Variants in KANSL1L observed in about 807,000 individuals in gnomAD.
KANSL1L encodes the protein KAT8 regulatory NSL complex subunit 1-like protein.
KANSL1L carries 25 observed loss-of-function variants against 108.6 expected under a neutral mutation model. That is an observed-to-expected ratio of 0.23 (90% CI 0.17 to 0.32). The LOEUF (loss-of-function observed/expected upper bound fraction) is 0.32. KANSL1L is among the 10% of genes least tolerant of loss of function. The pLI is 1.00. For synonymous variants in KANSL1L, 405 were observed against 395.1 expected (o/e 1.03, Z -0.30); for missense variants, 1,137 against 1,125.7 (o/e 1.01, Z -0.14).
At chr2:210,031,384 A>AT in intron 9 of KANSL1L, 37 bp downstream of exon 9, 1 of 1,445,532 alleles carries the variant, frequency 6.9e-7, no homozygotes, top group South Asian at 1.2e-5. Flanking sequence ...AATTTTTAAT[A>AT]TTTATCACTA....
chr2:210,146,883 C>T (rs560318216), intron 2 of KANSL1L, among the ~76,000 whole-genome samples: 18 of 152,080 alleles, frequency 1.2e-4, no homozygotes, highest in African/African-American at 4.3e-4. Flanking sequence ...AACAAAACAG[C>T]TTTTTTTTCT....
chr2:210,070,447 G>T (rs2094499511), intron 6 of KANSL1L, among the ~76,000 whole-genome samples: 2 of 150,680 alleles, frequency 1.3e-5, no homozygotes, highest in African/African-American at 4.9e-5. Context: ...AGCCAGGATG[G>T]TCTAGATCTC....
intron 5 of KANSL1L, among the ~76,000 whole-genome samples, chr2:210,086,224 C>T (rs1458626392): frequency 1.3e-5 from 2 of 151,762 alleles, no homozygotes; most frequent in Non-Finnish European, 2.9e-5. Flanking sequence ...TATTCTGGGA[C>T]TCATTAAAGC....
chr2:210,032,885 G>C (rs2125145997), intron 8 of KANSL1L: 1 of 152,282 alleles, frequency 6.6e-6, no homozygotes, highest in East Asian at 1.9e-4. Flanking sequence ...ATGGAATACA[G>C]ATTAGCAACT....
At chr2:210,070,420 T>C (rs924298935) in intron 6 of KANSL1L, among the ~76,000 whole-genome samples, 1 of 151,200 alleles carries the variant, frequency 6.6e-6, no homozygotes, top group African/African-American at 2.4e-5. Context: ...TTAGTAGAGA[T>C]GGGGTTTCAC....
chr2:210,076,021 GTGTAA>G (rs1435141135), intron 5 of KANSL1L, among the ~76,000 whole-genome samples: 2 of 152,096 alleles, frequency 1.3e-5, no homozygotes, highest in African/African-American at 2.4e-5. Flanking sequence ...GAGTTTACTA[GTGTAA>G]TGTAATTGCT....
At chr2:210,076,718 C>T (rs1177914949) in intron 5 of KANSL1L, among the ~76,000 whole-genome samples, 2 of 151,384 alleles carry the variant, frequency 1.3e-5, no homozygotes, top group Non-Finnish European at 2.9e-5. Context: ...AAATATTTTA[C>T]AATATCAGAA....
intron 2 of KANSL1L, among the ~76,000 whole-genome samples, chr2:210,131,249 C>A (rs1261125338): frequency 6.6e-6 from 1 of 152,086 alleles, no homozygotes; most frequent in Non-Finnish European, 1.5e-5. Flanking sequence ...CTAAATATAG[C>A]CTATTCTGAC....
intron 5 of KANSL1L, among the ~76,000 whole-genome samples, chr2:210,080,664 A>G (rs2094582320): frequency 6.6e-6 from 1 of 152,194 alleles, no homozygotes; most frequent in Admixed American, 6.5e-5. Context: ...CATACCATAC[A>G]CTAGACACCT....
intron 2 of KANSL1L, among the ~76,000 whole-genome samples, chr2:210,142,253 T>C (rs761754234): frequency 1.1e-4 from 17 of 152,106 alleles, no homozygotes; most frequent in Non-Finnish European, 1.9e-4. Context: ...TCTAGGAATT[T>C]ATACATTTTT....
Position 210,041,605 on chromosome 2 carries a change from A to G in KANSL1L, c.1922-1078T>C, listed in dbSNP as rs572760165. ...TGCACAACTCCATGCCTGGCTAATTAGAAAATTCTTTTCTTTAGAGACAAA... is the reference window on the plus strand; with the variant it reads ...TGCACAACTCCATGCCTGGCTAATTGGAAAATTCTTTTCTTTAGAGACAAA... On this transcript the variant is annotated intron_variant, in intron 7 of 14. Coordinates refer to ENST00000281772, the MANE Select transcript of KANSL1L (RefSeq NM_152519.4). Among the ~76,000 whole-genome samples, 11 of 152,078 alleles carry G rather than the reference A, an allele frequency of 7.2e-5. No individual in the cohort carries two copies. The South Asian group carries it at 2.3e-3, about 32-fold the overall frequency.
At chr2:210,023,966 G>T in intron 14 of KANSL1L, 67 bp downstream of exon 14, 1 of 1,098,490 alleles carries the variant, frequency 9.1e-7, no homozygotes, top group Non-Finnish European at 1.3e-6. Context: ...TTTTTTTCAA[G>T]TAGTTTCTAC....
At chr2:210,169,701 A>G (rs971566232) in intron 1 of KANSL1L, among the ~76,000 whole-genome samples, 31 of 152,218 alleles carry the variant, frequency 2.0e-4, no homozygotes, top group Admixed American at 2.0e-3. Context: ...GATTAAAACC[A>G]TGAGGAAATG....
At chr2:210,148,426 C>T (rs1195546902) in intron 2 of KANSL1L, among the ~76,000 whole-genome samples, 2 of 152,182 alleles carry the variant, frequency 1.3e-5, no homozygotes, top group East Asian at 3.8e-4. Context: ...CCCACATCCC[C>T]TCACATTTAA....
chr2:210,166,315 G>C (rs1310054289), intron 1 of KANSL1L, among the ~76,000 whole-genome samples: 2 of 152,092 alleles, frequency 1.3e-5, no homozygotes, highest in African/African-American at 4.8e-5. Context: ...TAATTACCAA[G>C]TCAATAGTTA....
rs1418444802 is a variant in KANSL1L, at chr2:210,117,756, CA to C, written c.1230+11274del. ...CATTACAATGGATACAACAGAAATA[CA>C]AAGGATTATAAGAGACTATTATGAA... On this transcript the variant is annotated intron_variant, in intron 3 of 14. Transcript: ENST00000281772. Among the ~76,000 whole-genome samples the C allele has an allele frequency of 3.9e-5, 6 of 152,080 alleles. No homozygotes were observed. In the East Asian group the frequency reaches 1.2e-3, roughly 29 times the overall value.
At chr2:210,162,253 TA>T (rs1021146256) in intron 1 of KANSL1L, among the ~76,000 whole-genome samples, 3 of 145,018 alleles carry the variant, frequency 2.1e-5, no homozygotes, top group African/African-American at 5.0e-5. Context: ...TGTATATCAA[TA>T]AAAATTAAAA....
intron 2 of KANSL1L, among the ~76,000 whole-genome samples, chr2:210,131,579 T>C (rs1246986156): frequency 6.6e-6 from 1 of 152,122 alleles, no homozygotes; most frequent in African/African-American, 2.4e-5. Flanking sequence ...CAAGTTAGGA[T>C]TACAAAAATC....
chr2:210,028,787 A>T, intron 11 of KANSL1L, 58 bp downstream of exon 11: 1 of 1,280,072 alleles, frequency 7.8e-7, no homozygotes, highest in African/African-American at 1.5e-5. Context: ...TTCACTTTGA[A>T]AATTTAAGTT....
Sources: allele counts gnomAD v4.1 joint callset (sites outside exome capture counted in the v4.1 genomes callset), GRCh38; gene constraint gnomAD v4.1.1; transcripts MANE v1.5; gene names NCBI Gene and HGNC (gene_info 2026-07-23, HGNC 2026-07-21).